Variants in ZFHX3 observed in about 807,000 individuals in gnomAD.
ZFHX3 encodes the protein zinc finger homeobox protein 3.
Under a neutral mutation model 279.1 loss-of-function variants are expected in ZFHX3, and 42 were observed. The ratio of observed to expected loss-of-function variants is 0.15; its 90% confidence interval spans 0.12 to 0.19. The LOEUF is 0.19. Among genes scored for constraint, ZFHX3 ranks in the 10% least tolerant of loss-of-function variants. The pLI, the probability that ZFHX3 is intolerant of heterozygous loss-of-function variation, is 1.00. For synonymous variants in ZFHX3, 2,293 were observed against 1,957.8 expected (o/e 1.17, Z -4.52); for missense variants, 4,981 against 4,754.0 (o/e 1.05, Z -1.40).
chr16:73,595,547 T>G (rs2052039737), intron 2 of ZFHX3, among the ~76,000 whole-genome samples: 1 of 152,210 alleles, frequency 6.6e-6, no homozygotes, highest in African/African-American at 2.4e-5. Flanking sequence ...TCCTTGGTTC[T>G]GGGCTGGGCC....
intron 7 of ZFHX3, among the ~76,000 whole-genome samples, chr16:73,094,811 G>A (rs770857742): frequency 7.2e-5 from 11 of 152,294 alleles, no homozygotes; most frequent in Non-Finnish European, 1.6e-4. Context: ...CTGGGTTCAA[G>A]TGATTCTCCT....
chr16:73,875,801 G>C, intron 1 of ZFHX3, among the ~76,000 whole-genome samples: 1 of 152,186 alleles, frequency 6.6e-6, no homozygotes, highest in East Asian at 1.9e-4. Flanking sequence ...AGTTACGCAT[G>C]TATATTTCTG....
At chr16:73,748,521 T>G (rs2053725019) in intron 1 of ZFHX3, among the ~76,000 whole-genome samples, 1 of 146,282 alleles carries the variant, frequency 6.8e-6, no homozygotes, top group African/African-American at 2.5e-5. Flanking sequence ...TTGATATAAA[T>G]GCACCTTATC....
intron 1 of ZFHX3, among the ~76,000 whole-genome samples, chr16:72,977,281 C>T (rs1038190723): frequency 2.6e-5 from 4 of 152,138 alleles, no homozygotes; most frequent in African/African-American, 9.7e-5. Context: ...GTTCCAGACG[C>T]AGCGTCTGGC....
chr16:72,812,071 G>C, intron 5 of ZFHX3, 33 bp from the exon 6 acceptor site: 1 of 1,607,504 alleles, frequency 6.2e-7, no homozygotes, highest in South Asian at 1.1e-5. Context: ...CAATACAGCA[G>C]CCAGACCAGG....
intron 8 of ZFHX3, among the ~76,000 whole-genome samples, chr16:73,074,714 G>C (rs1597148392): frequency 7.1e-6 from 1 of 141,214 alleles, no homozygotes; most frequent in Non-Finnish European, 1.6e-5. Flanking sequence ...GGGAGGGAGG[G>C]AGGGAGGATC....
intron 3 of ZFHX3, among the ~76,000 whole-genome samples, chr16:73,339,490 T>C (rs1040970296): frequency 1.3e-5 from 2 of 152,240 alleles, no homozygotes; most frequent in Admixed American, 6.5e-5. Context: ...CCTTATATTC[T>C]ATCATCTAAC....
intron 1 of ZFHX3, among the ~76,000 whole-genome samples, chr16:73,682,153 G>A (rs1246284007): frequency 6.6e-6 from 1 of 152,160 alleles, no homozygotes; most frequent in East Asian, 1.9e-4. Context: ...AAAATCATTT[G>A]CCATTGCTCT....
intron 1 of ZFHX3, among the ~76,000 whole-genome samples, chr16:73,031,253 G>A (rs1964685659): frequency 6.6e-6 from 1 of 152,008 alleles, no homozygotes; most frequent in African/African-American, 2.4e-5. Flanking sequence ...AAATATCCCA[G>A]GTAGCCGACC....
chr16:72,872,510 C>T (rs996920013), intron 4 of ZFHX3, among the ~76,000 whole-genome samples: 9 of 152,118 alleles, frequency 5.9e-5, no homozygotes, highest in African/African-American at 2.2e-4. Context: ...CAGGCTGGAG[C>T]ACAGTGGGGT....
intron 5 of ZFHX3, among the ~76,000 whole-genome samples, chr16:73,147,500 G>A (rs1293005678): frequency 6.6e-6 from 1 of 151,188 alleles, no homozygotes; most frequent in Admixed American, 6.6e-5. Context: ...AGACCATCCT[G>A]GCTAACACGG....
At chr16:73,664,280 G>C (rs1298446819) in intron 2 of ZFHX3, among the ~76,000 whole-genome samples, 2 of 152,104 alleles carry the variant, frequency 1.3e-5, no homozygotes, top group Non-Finnish European at 2.9e-5. Context: ...GCACTATTTA[G>C]TGCTGACCTA....
chr16:73,889,797 TCTC>T lies in ZFHX3; in HGVS notation c.-1608+1851_-1608+1853del, dbSNP rs546542709. Among the ~76,000 whole-genome samples, 15 of 152,224 alleles carry T rather than the reference TCTC, an allele frequency of 9.9e-5. No homozygotes were observed. The South Asian group carries it at 1.0e-3, about 11-fold the overall frequency. ...AGCGGCTCACCCTTCTACTGACTCT[TCTC>T]CTTTCTGTAGGCCAATCCCATCCCC... is the stretch of plus-strand genomic sequence containing the variant. On this transcript the variant is annotated intron_variant, in intron 1 of 17. Coordinates refer to the ZFHX3 transcript ENST00000641206.
intron 3 of ZFHX3, among the ~76,000 whole-genome samples, chr16:73,441,924 G>T (rs2018101204): frequency 6.6e-6 from 1 of 152,160 alleles, no homozygotes; most frequent in East Asian, 1.9e-4. Context: ...GTACCGTTTT[G>T]AGAAAAATGA....
chr16:73,731,814 A>G (rs896618794), intron 1 of ZFHX3, among the ~76,000 whole-genome samples: 5 of 152,226 alleles, frequency 3.3e-5, no homozygotes, highest in African/African-American at 1.2e-4. Flanking sequence ...TTAAATTGCA[A>G]GAGAAGAGGC....
At chr16:73,192,788 G>A (rs1301604595) in intron 5 of ZFHX3, among the ~76,000 whole-genome samples, 1 of 152,208 alleles carries the variant, frequency 6.6e-6, no homozygotes, top group East Asian at 1.9e-4. Context: ...AAGGTGGAAG[G>A]CATTGCTCAT....
intron 1 of ZFHX3, among the ~76,000 whole-genome samples, chr16:72,966,717 CG>C (rs1404132937): frequency 1.3e-5 from 2 of 152,180 alleles, no homozygotes; most frequent in Non-Finnish European, 2.9e-5. Flanking sequence ...CAGCTATCCT[CG>C]GCTATATGAA....
chr16:73,448,693 T>A (rs1046356857), intron 3 of ZFHX3, among the ~76,000 whole-genome samples: 6 of 150,406 alleles, frequency 4.0e-5, no homozygotes, highest in African/African-American at 1.2e-4. Context: ...TACGTGTGTG[T>A]GTGTGTGTGT....
chr16:73,285,080 G>A (rs1473415564), intron 4 of ZFHX3, among the ~76,000 whole-genome samples: 1 of 152,220 alleles, frequency 6.6e-6, no homozygotes, highest in African/African-American at 2.4e-5. Flanking sequence ...TTTGCACTGT[G>A]TAAAAGAATT....
Sources: gnomAD v4.1 joint callset for allele counts (sites outside exome capture counted in the v4.1 genomes callset) on GRCh38, gnomAD v4.1.1 for gene constraint, MANE v1.5 for transcripts, NCBI Gene and HGNC (gene_info 2026-07-23, HGNC 2026-07-21) for gene names.